TASOR2: variants seen among roughly 807,000 people sequenced by gnomAD.
The protein encoded by TASOR2 is protein TASOR 2.
TASOR2 carries 84 observed loss-of-function variants against 199.5 expected under a neutral mutation model. The ratio of observed to expected loss-of-function variants is 0.42; its 90% CI spans 0.35 to 0.50. TASOR2 has a LOEUF of 0.50. Ranked by LOEUF, TASOR2 falls within the 20% of genes least tolerant of loss-of-function variation. The probability of loss-of-function intolerance (pLI) is 0.02; values close to 1 mark genes in which losing one functional copy is unlikely to be tolerated. For missense variants in TASOR2, 2,796 were observed against 2,835.9 expected (o/e 0.99, Z 0.32); for synonymous variants, 1,103 against 1,046.6 (o/e 1.05, Z -1.04).
chr10:5,714,107 CTG>C, intron 2 of TASOR2, 26 bp from the exon 3 acceptor site: 3 of 1,172,690 alleles, frequency 2.6e-6, no homozygotes, highest in Non-Finnish European at 3.2e-6. Flanking sequence ...GCTTCAAAGA[CTG>C]AAGCAAAGTA....
At position 5,742,306 on chromosome 10, in the gene TASOR2, A is replaced by G; in HGVS notation, c.2537A>G (p.Lys846Arg). The G allele has an allele frequency of 6.2e-7, 1 of 1,614,148 alleles. No individual in the cohort carries two copies. The change falls in exon 14 of 21, where the codon AAA (lysine) becomes AGA (arginine). Residue 846 changes from lysine to arginine, a missense_variant. By Grantham distance (26) the Lys-to-Arg change is conservative (BLOSUM62 2). Coordinates refer to ENST00000328090, the Ensembl canonical transcript of TASOR2. The surrounding 1 kb of genome is among the most constrained non-coding windows in gnomAD (Gnocchi z 4.2). ...ATTGAGGAGTCCCTTGGTTTGGAAA[A>G]ATGTTCTGCAGACTCTCTGTTGGAG...
chr10:5,752,651 A>G lies in TASOR2; in HGVS notation c.6606+2624A>G, dbSNP rs1838240297. ...CACAGTGTCCCCTGGGTGCAGGGTC[A>G]CAAGACCACTTCTCATCTGGAGTAC... is the stretch of plus-strand genomic sequence containing the variant. On this transcript the variant is annotated intron_variant, in intron 15 of 20. Coordinates refer to ENST00000328090, the Ensembl canonical transcript of TASOR2. This position sits in a 1 kb window ranked among gnomAD's most constrained non-coding sequence, Gnocchi z 4.4. Among the ~76,000 whole-genome samples the G allele has an allele frequency of 6.6e-6, 1 of 152,240 alleles. No individual in the cohort carries two copies. The highest frequency in any genetic ancestry group is 2.1e-4 in the South Asian group (1 of 4,832).
chr10:5,685,213 C>T lies in TASOR2; in HGVS notation c.-288+38C>T, dbSNP rs1835668083. On this transcript the variant is annotated intron_variant, in intron 1 of 20. Transcript: ENST00000328090. This position sits in a 1 kb window ranked among gnomAD's most constrained non-coding sequence, Gnocchi z 5.4. ...TCGGCCTGGGCGCCCGGGAACCCTGCGAGGAGGACGGCGGGTCCCCGAGGC... is the reference window on the plus strand; with the variant it reads ...TCGGCCTGGGCGCCCGGGAACCCTGTGAGGAGGACGGCGGGTCCCCGAGGC... 1 of 397,608 alleles carries T rather than the reference C, an allele frequency of 2.5e-6. No individual in the cohort carries two copies. Among genetic ancestry groups the T allele is most frequent in the African/African-American group, 2.1e-5 (1 of 48,670 alleles). 24.6% of individuals were successfully genotyped at this position (397,608 alleles called of 1,614,324 possible).
At chr10:5,760,649 T>C (rs1321953709) in intron 18 of TASOR2, among the ~76,000 whole-genome samples, 2 of 152,194 alleles carry the variant, frequency 1.3e-5, no homozygotes, top group African/African-American at 4.8e-5. Context: ...CATGTAACTA[T>C]GTTCAGTATG....
chr10:5,752,849 A>T lies in TASOR2; in HGVS notation c.6606+2822A>T, dbSNP rs1838271362. ...AGAGGCTCAGGCTGGGCTGTGGGAG[A>T]GAACAGCCTCACGCCTCATATGGCA... On this transcript the variant is annotated intron_variant, in intron 15 of 20. Transcript: ENST00000328090. This position sits in a 1 kb window ranked among gnomAD's most constrained non-coding sequence, Gnocchi z 4.4. Among the ~76,000 whole-genome samples, 1 of 152,188 alleles carries T rather than the reference A, an allele frequency of 6.6e-6. No homozygotes were observed. The highest frequency in any genetic ancestry group is 2.1e-4 in the South Asian group (1 of 4,830).
chr10:5,717,324 G>A (rs1350279068), intron 2 of TASOR2, among the ~76,000 whole-genome samples: 1 of 152,114 alleles, frequency 6.6e-6, no homozygotes, highest in East Asian at 1.9e-4. Context: ...TGAGCACCCT[G>A]TGGTCTTTGT....
At chr10:5,729,891 G>GCATGGGCC (rs71388474) in intron 10 of TASOR2, among the ~76,000 whole-genome samples, 128,467 of 151,412 alleles carry the variant, frequency 0.85, 54,574 homozygotes, top group African/African-American at 0.88. Flanking sequence ...TTCAGTCAAA[G>GCATGGGCC]CAGGAGAGGA....
Position 5,751,997 on chromosome 10 carries a change from C to T in TASOR2, c.6606+1970C>T, listed in dbSNP as rs938690937. On this transcript the variant is annotated intron_variant, in intron 15 of 20. Coordinates refer to ENST00000328090, the Ensembl canonical transcript of TASOR2. This position sits in a 1 kb window ranked among gnomAD's most constrained non-coding sequence, Gnocchi z 5.3. ...CTTATTGTCCCTCCCAAGTCCCCCTCCCCCATCCTCCTCCCAACCCCAGGT... is the reference window on the plus strand; with the variant it reads ...CTTATTGTCCCTCCCAAGTCCCCCTTCCCCATCCTCCTCCCAACCCCAGGT... Among the ~76,000 whole-genome samples the T allele has an allele frequency of 1.3e-5, 2 of 151,970 alleles. No homozygotes were observed. The highest frequency in any genetic ancestry group is 4.8e-5 in the African/African-American group (2 of 41,330).
chr10:5,696,547 G>A (rs1473674290), intron 1 of TASOR2, among the ~76,000 whole-genome samples: 1 of 152,092 alleles, frequency 6.6e-6, no homozygotes, highest in African/African-American at 2.4e-5. Context: ...TGTAGAGATG[G>A]GGTCTCACTA....
At chr10:5,691,526 G>C (rs561379004) in intron 1 of TASOR2, among the ~76,000 whole-genome samples, 4 of 152,278 alleles carry the variant, frequency 2.6e-5, no homozygotes, top group African/African-American at 9.6e-5. Context: ...AAATACCTTA[G>C]TGAATTTTTT....
Position 5,685,229 on chromosome 10 carries a change from T to A in TASOR2, c.-288+54T>A. The A allele has an allele frequency of 2.5e-6, 1 of 397,132 alleles. No homozygotes were observed. Among genetic ancestry groups the A allele is most frequent in the Non-Finnish European group, 4.4e-6 (1 of 225,206 alleles). The allele number at this position is 397,132 out of a possible 1,614,324, so 24.6% of individuals were successfully genotyped here. A position where few individuals can be genotyped will look rare whatever the true frequency, so the allele number is the denominator to read the frequency against. On this transcript the variant is annotated intron_variant, in intron 1 of 20. Coordinates refer to ENST00000328090, the Ensembl canonical transcript of TASOR2. This position sits in a 1 kb window ranked among gnomAD's most constrained non-coding sequence, Gnocchi z 5.4. ...GGAACCCTGCGAGGAGGACGGCGGG[T>A]CCCCGAGGCCGAGCGCTCGGGCAGC...
rs1207197021 is a variant in TASOR2 at position 5,712,846 on chromosome 10, A to G, written c.-264A>G. The G allele has an allele frequency of 1.9e-5, 24 of 1,230,956 alleles. No homozygotes were observed. In the Admixed American group the frequency reaches 1.0e-3, roughly 52 times the overall value. The allele number at this position is 1,230,956 out of a possible 1,614,324, so 76.3% of individuals were successfully genotyped here. On this transcript the variant is annotated 5_prime_UTR_variant, in exon 2 of 21. Transcript: ENST00000328090. ...AGTACAAAACTTTTTACCAACAAAA[A>G]AAAGCAAGTAGTTATACTCAGGAAG...
chr10:5,758,489 G>C (rs1029137746), intron 17 of TASOR2, among the ~76,000 whole-genome samples: 2 of 152,120 alleles, frequency 1.3e-5, no homozygotes, highest in Non-Finnish European at 2.9e-5. Context: ...AGTGAGCTGA[G>C]ATCATGCCAC....
chr10:5,727,184 C>T, intron 10 of TASOR2, 61 bp downstream of exon 11: 3 of 1,562,056 alleles, frequency 1.9e-6, no homozygotes. Flanking sequence ...CCTCATCTGA[C>T]TTGACCTCTC....
chr10:5,742,558 C>A lies in TASOR2; in HGVS notation c.2757+32C>A. ...AAAGCTGAATACCGTTAAATGTTGG[C>A]ATTATTTTTGAAGAAAAAAATGTTT... On this transcript the variant is annotated intron_variant, in intron 14 of 20. Transcript: ENST00000328090. This position sits in a 1 kb window ranked among gnomAD's most constrained non-coding sequence, Gnocchi z 4.2. 6.4e-7 allele frequency: 1 copy of A among 1,555,644 alleles called. No individual in the cohort carries two copies. The highest frequency in any genetic ancestry group is 8.7e-7 in the Non-Finnish European group (1 of 1,151,100).
intron 1 of TASOR2, among the ~76,000 whole-genome samples, chr10:5,692,144 T>G (rs1836499350): frequency 2.4e-5 from 1 of 41,568 alleles, no homozygotes; most frequent in Non-Finnish European, 4.1e-5. Context: ...CACTGCACTC[T>G]GTCTCAAAAA....
chr10:5,718,895 G>A (rs531702709), intron 3 of TASOR2, among the ~76,000 whole-genome samples: 31 of 152,042 alleles, frequency 2.0e-4, no homozygotes, highest in Non-Finnish European at 3.8e-4. Flanking sequence ...CAGATAATAA[G>A]CATTTCGTTT....
At position 5,699,331 on chromosome 10, in the gene TASOR2, G is replaced by C. The variant is rs1476642561; in HGVS notation, c.-287-13492G>C. The C allele has an allele frequency of 1.3e-5, 2 of 152,112 alleles. No homozygotes were observed. Among genetic ancestry groups the C allele is most frequent in the African/African-American group, 4.8e-5 (2 of 41,432 alleles). The allele number at this position is 152,112 out of a possible 1,614,324, so 9.4% of individuals were successfully genotyped here. On this transcript the variant is annotated intron_variant, in intron 1 of 20. Transcript: ENST00000328090. This position sits in a 1 kb window ranked among gnomAD's most constrained non-coding sequence, Gnocchi z 4.1. ...TCCTAGGCCTAGGAACCAGTGAGGG[G>C]TGAGGAGGATAGCTAAGGGGTAGAA...
At chr10:5,746,623 G>C in exon 15 of TASOR2, 1 of 1,614,090 alleles carries the variant, frequency 6.2e-7, no homozygotes, top group Non-Finnish European at 8.5e-7. Flanking sequence ...ACAGACAGAA[G>C]GTGTAAATAC....
Sources: gnomAD v4.1 joint callset for allele counts (sites outside exome capture counted in the v4.1 genomes callset) on GRCh38, gnomAD v4.1.1 for gene constraint, Gnocchi (gnomAD v3.1) non-coding constraint, MANE v1.5 for transcripts, NCBI Gene and HGNC (gene_info 2026-07-23, HGNC 2026-07-21) for gene names.